The following STRN variants were observed in gnomAD, a reference collection of about 807,000 sequenced individuals.
STRN encodes protein phosphatase 2 regulatory subunit B'''alpha.
In STRN, 53 loss-of-function variants were observed where a neutral mutation model predicts 96.3. That is an observed-to-expected ratio of 0.55 (90% CI 0.44 to 0.69). STRN has a LOEUF of 0.69. Ranked by LOEUF, STRN falls within the 30% of genes least tolerant of loss-of-function variation. The probability of loss-of-function intolerance (pLI) is 0.00; values close to 1 mark genes in which losing one functional copy is unlikely to be tolerated. For synonymous variants in STRN, 428 were observed against 355.9 expected (o/e 1.20, Z -2.28); for missense variants, 987 against 963.9 (o/e 1.02, Z -0.32).
chr2:36,909,954 C>G (rs1308716473), intron 3 of STRN, among the ~76,000 whole-genome samples: 1 of 152,072 alleles, frequency 6.6e-6, no homozygotes, highest in Non-Finnish European at 1.5e-5. Context: ...GGGCAGATCA[C>G]CTGAGGTCAG....
rs1668079850 is a variant in STRN, at chr2:36,846,432, T to TATATATATATA, written c.*3023_*3024insTATATATATAT. ...ATATATATATATATATATATATAGT[T>TATATATATATA]TATATATTATATATATTCTTACAAT... On this transcript the variant is annotated 3_prime_UTR_variant, in exon 18 of 18. Coordinates refer to ENST00000263918, the MANE Select transcript of STRN (RefSeq NM_003162.4). 2.6e-5 allele frequency: 3 copies of TATATATATATA among 117,432 alleles called. No individual in the cohort carries two copies. The highest frequency in any genetic ancestry group is 5.3e-5 in the Non-Finnish European group (3 of 56,964). 7.3% of individuals were successfully genotyped at this position (117,432 alleles called of 1,614,324 possible).
chr2:36,853,263 T>C (rs1377590891), intron 15 of STRN, among the ~76,000 whole-genome samples: 3 of 152,190 alleles, frequency 2.0e-5, no homozygotes, highest in African/African-American at 7.2e-5. Flanking sequence ...ATTTATAAAA[T>C]TCAGACTACG....
chr2:36,946,879 T>A (rs988794399), intron 1 of STRN, among the ~76,000 whole-genome samples: 3 of 152,114 alleles, frequency 2.0e-5, no homozygotes, highest in Non-Finnish European at 4.4e-5. Flanking sequence ...TTATTTCACA[T>A]TATACCAAAC....
At chr2:36,930,781 C>T (rs867322581) in intron 1 of STRN, among the ~76,000 whole-genome samples, 9 of 152,228 alleles carry the variant, frequency 5.9e-5, no homozygotes, top group Non-Finnish European at 1.2e-4. Context: ...GCCTGTAATC[C>T]TAGCACTTTG....
At chr2:36,853,947 A>T (rs1017706369) in intron 15 of STRN, among the ~76,000 whole-genome samples, 1 of 152,216 alleles carries the variant, frequency 6.6e-6, no homozygotes, top group Non-Finnish European at 1.5e-5. Context: ...TTTGTTAAAA[A>T]CATTCTTGGA....
At chr2:36,855,125 A>T in intron 15 of STRN, 87 bp downstream of exon 15, 2 of 1,383,366 alleles carry the variant, frequency 1.4e-6, no homozygotes, top group Non-Finnish European at 2.0e-6. Context: ...TTATAATGAC[A>T]AATATTTTTC....
intron 1 of STRN, among the ~76,000 whole-genome samples, chr2:36,930,123 T>C (rs936213532): frequency 5.3e-5 from 8 of 152,164 alleles, no homozygotes; most frequent in Non-Finnish European, 1.0e-4. Flanking sequence ...CCTGTAGCCC[T>C]CTCTCTTAAA....
chr2:36,925,030 TG>T (rs1441983254), intron 2 of STRN, 74 bp downstream of exon 2: 2 of 1,374,674 alleles, frequency 1.5e-6, no homozygotes, highest in East Asian at 4.6e-5. Context: ...CACCCCAGCC[TG>T]GGCAACAAGA....
At position 36,867,868 on chromosome 2, in the gene STRN, C is replaced by G. The variant is rs867714056; in HGVS notation, c.1500-7G>C. On this transcript the variant is annotated splice_region_variant and splice_polypyrimidine_tract_variant and intron_variant, in intron 11 of 17. Transcript: ENST00000263918. ...TACATCAAGAGAAGTGCTCCTAAAT[C>G]AGAGAGAGATGACTTTACCATTCTA... 1 of 1,586,070 alleles carries G rather than the reference C, an allele frequency of 6.3e-7. No individual in the cohort carries two copies.
intron 6 of STRN, among the ~76,000 whole-genome samples, chr2:36,895,337 A>T (rs1376363996): frequency 6.6e-6 from 1 of 152,234 alleles, no homozygotes; most frequent in African/African-American, 2.4e-5. Context: ...AAAAAAAAAA[A>T]AACACAATTG....
At chr2:36,881,231 G>A (rs1031078372) in intron 9 of STRN, among the ~76,000 whole-genome samples, 4 of 143,454 alleles carry the variant, frequency 2.8e-5, no homozygotes. Flanking sequence ...GGGTTCAAGT[G>A]ATTCTCCTGC....
chr2:36,850,854 G>C, intron 16 of STRN, 146 bp downstream of exon 16: 1 of 570,772 alleles, frequency 1.8e-6, no homozygotes, highest in South Asian at 2.2e-5. Flanking sequence ...TGGATAGAGT[G>C]AAGAGAAACT....
chr2:36,838,097 C>T lies in STRN; in HGVS notation c.*11359G>A, dbSNP rs1246325708. Among the ~76,000 whole-genome samples the T allele has an allele frequency of 6.6e-6, 1 of 152,090 alleles. No homozygotes were observed. Among genetic ancestry groups the T allele is most frequent in the African/African-American group, 2.4e-5 (1 of 41,412 alleles). ...TGTGCTTAAACTAGTCACAAGAGCCCTTTAAAAGCAGTTTTCTCTGGCTGG... is the reference window on the plus strand; with the variant it reads ...TGTGCTTAAACTAGTCACAAGAGCCTTTTAAAAGCAGTTTTCTCTGGCTGG... On this transcript the variant is annotated 3_prime_UTR_variant, in exon 18 of 18. Transcript: ENST00000263918.
intron 3 of STRN, among the ~76,000 whole-genome samples, chr2:36,914,639 T>C (rs1670044377): frequency 6.6e-6 from 1 of 152,182 alleles, no homozygotes; most frequent in African/African-American, 2.4e-5. Context: ...GAATTAACTA[T>C]AAAATTGGCA....
intron 5 of STRN, among the ~76,000 whole-genome samples, chr2:36,900,522 T>A (rs192004689): frequency 1.6e-4 from 24 of 152,368 alleles, no homozygotes; most frequent in African/African-American, 5.8e-4. Context: ...CCCTGTTGAT[T>A]AATAAGCCAT....
Position 36,930,198 on chromosome 2 carries a change from G to A in STRN, c.235-4990C>T, listed in dbSNP as rs180734339. ...TGTAATCCCAGCACTTTGGGAGACC[G>A]AGGCAGGTGGATCACCTGAGGTCAG... On this transcript the variant is annotated intron_variant, in intron 1 of 17. Coordinates refer to ENST00000263918, the MANE Select transcript of STRN (RefSeq NM_003162.4). Among the ~76,000 whole-genome samples the A allele has an allele frequency of 1.8e-3, 275 of 152,228 alleles. 4 individuals are homozygous for A. Among genetic ancestry groups the A allele is most frequent in the African/African-American group, 6.1e-3 (255 of 41,556 alleles).
intron 1 of STRN, among the ~76,000 whole-genome samples, chr2:36,956,026 G>C: frequency 6.6e-6 from 1 of 152,120 alleles, no homozygotes; most frequent in East Asian, 1.9e-4. Flanking sequence ...TTTTCCACTT[G>C]TGACATCATG....
chr2:36,927,282 T>A (rs2110994), intron 1 of STRN, among the ~76,000 whole-genome samples: 92,574 of 151,664 alleles, frequency 0.61, 30,705 homozygotes, highest in African/African-American at 0.89. Flanking sequence ...CCGAGGCGGG[T>A]GGATAACTTG....
At chr2:36,867,620 T>C (rs573995554) in intron 12 of STRN, 194 bp downstream of exon 12, 3 of 379,554 alleles carry the variant, frequency 7.9e-6, no homozygotes, top group African/African-American at 6.2e-5. Context: ...GTAAATAAAA[T>C]CTAATTTAAG....
Sources: allele counts gnomAD v4.1 joint callset (sites outside exome capture counted in the v4.1 genomes callset), GRCh38; gene constraint gnomAD v4.1.1; transcripts MANE v1.5; gene names NCBI Gene and HGNC (gene_info 2026-07-23, HGNC 2026-07-21).